The following SSH2 variants were observed in gnomAD, a reference collection of about 807,000 sequenced individuals.
The protein encoded by SSH2 is slingshot protein phosphatase 2, also known as protein phosphatase Slingshot homolog 2.
In SSH2, 37 loss-of-function variants were observed where a neutral mutation model predicts 135.2. That is an observed-to-expected ratio of 0.27 (90% CI 0.21 to 0.36). SSH2 has a LOEUF of 0.36. Ranked by LOEUF, SSH2 falls within the 10% of genes least tolerant of loss-of-function variation. The pLI is 1.00. For synonymous variants in SSH2, 628 were observed against 646.2 expected (o/e 0.97, Z 0.43); for missense variants, 1,408 against 1,765.3 (o/e 0.80, Z 3.63).
At chr17:29,658,214 G>A (rs1171545421) in intron 11 of SSH2, among the ~76,000 whole-genome samples, 1 of 151,668 alleles carries the variant, frequency 6.6e-6, no homozygotes, top group Non-Finnish European at 1.5e-5. Flanking sequence ...ATGTTGGTCA[G>A]GCTGGTCTCG....
intron 2 of SSH2, among the ~76,000 whole-genome samples, chr17:29,829,644 T>C (rs886764002): frequency 1.3e-5 from 2 of 152,162 alleles, no homozygotes; most frequent in African/African-American, 4.8e-5. Context: ...TTTATTCTTC[T>C]TTTAACCAAT....
In SSH2 at chr17:29,859,540, G is replaced by A. The variant is rs141410006; in HGVS notation, c.64-10611C>T. The stretch of plus-strand genomic sequence containing the variant: ...TTAGCTCCCACTTATAAGAACATGC[G>A]GTATTTGGTTTTCTGTTCCCATGTT... On this transcript the variant is annotated intron_variant, in intron 1 of 15. Transcript: ENST00000540801. Among the ~76,000 whole-genome samples, 691 of 152,144 alleles carry A rather than the reference G, an allele frequency of 4.5e-3. 8 individuals carry two copies. Among genetic ancestry groups the A allele is most frequent in the African/African-American group, 0.016 (653 of 41,506 alleles).
At chr17:29,913,342 A>ATT (rs2066803865) in intron 1 of SSH2, among the ~76,000 whole-genome samples, 19 of 53,588 alleles carry the variant, frequency 3.5e-4, no homozygotes, top group Non-Finnish European at 5.8e-4. Flanking sequence ...AAAAAAAAAA[A>ATT]AAAAAATATA....
intron 2 of SSH2, among the ~76,000 whole-genome samples, chr17:29,812,864 G>C (rs1452903316): frequency 6.6e-6 from 1 of 151,692 alleles, no homozygotes; most frequent in Non-Finnish European, 1.5e-5. Flanking sequence ...ACTCCAGCCT[G>C]GGTGACAGAG....
chr17:29,883,149 A>C (rs1434065754), intron 1 of SSH2: 1 of 152,078 alleles, frequency 6.6e-6, no homozygotes, highest in East Asian at 1.9e-4. Flanking sequence ...GAAAAAAAAA[A>C]CTCTTATGCT....
intron 3 of SSH2, among the ~76,000 whole-genome samples, chr17:29,761,617 G>A (rs1211339790): frequency 2.6e-5 from 4 of 152,118 alleles, no homozygotes; most frequent in Non-Finnish European, 4.4e-5. Flanking sequence ...CCTCGGTAAG[G>A]GAGTGAAGCT....
chr17:29,783,629 T>C (rs989218309), intron 3 of SSH2, among the ~76,000 whole-genome samples: 1 of 152,104 alleles, frequency 6.6e-6, no homozygotes, highest in Non-Finnish European at 1.5e-5. Context: ...GTAATCTCTT[T>C]TGCAACACCC....
chr17:29,677,221 T>C (rs1397052748), intron 7 of SSH2, among the ~76,000 whole-genome samples: 5 of 131,404 alleles, frequency 3.8e-5, no homozygotes, highest in African/African-American at 5.9e-5. Context: ...TTTTATAAAC[T>C]GGAGCAAACA....
chr17:29,806,846 C>A (rs1037228639), intron 2 of SSH2, among the ~76,000 whole-genome samples: 1 of 152,168 alleles, frequency 6.6e-6, no homozygotes, highest in African/African-American at 2.4e-5. Flanking sequence ...TACCTGTATG[C>A]CTCTTTTGCC....
intron 2 of SSH2, among the ~76,000 whole-genome samples, chr17:29,840,110 C>T (rs1309057709): frequency 2.0e-5 from 3 of 152,130 alleles, no homozygotes; most frequent in Non-Finnish European, 2.9e-5. Flanking sequence ...ACCTACAACT[C>T]CTCCTGTTTT....
chr17:29,916,605 C>T (rs528192340), intron 1 of SSH2, among the ~76,000 whole-genome samples: 4 of 151,924 alleles, frequency 2.6e-5, no homozygotes, highest in South Asian at 4.2e-4. Flanking sequence ...GGATAACAGG[C>T]GTGCACCACC....
chr17:29,873,593 A>G (rs2065976448), intron 1 of SSH2, among the ~76,000 whole-genome samples: 1 of 152,140 alleles, frequency 6.6e-6, no homozygotes, highest in Non-Finnish European at 1.5e-5. Flanking sequence ...CACATGGAAC[A>G]AACATATGGA....
chr17:29,884,150 C>T (rs2066190036), intron 1 of SSH2, among the ~76,000 whole-genome samples: 1 of 152,154 alleles, frequency 6.6e-6, no homozygotes, highest in African/African-American at 2.4e-5. Context: ...TTCTCTTCAA[C>T]TTACCTCAAT....
At chr17:29,895,703 T>C (rs1390506002) in intron 1 of SSH2, among the ~76,000 whole-genome samples, 1 of 127,504 alleles carries the variant, frequency 7.8e-6, no homozygotes, top group Non-Finnish European at 1.6e-5. Context: ...ATTTTATATA[T>C]GAAATATATA....
At chr17:29,670,803 TA>T (rs530916914) in intron 9 of SSH2, among the ~76,000 whole-genome samples, 1 of 151,640 alleles carries the variant, frequency 6.6e-6, no homozygotes, top group Non-Finnish European at 1.5e-5. Context: ...ATTACTCTGT[TA>T]AAAAAAACCC....
chr17:29,832,322 G>T (rs1214399440), intron 2 of SSH2, among the ~76,000 whole-genome samples: 1 of 152,132 alleles, frequency 6.6e-6, no homozygotes, highest in Non-Finnish European at 1.5e-5. Context: ...GGTAGAGATG[G>T]AGTCTCCCTA....
intron 8 of SSH2, 109 bp downstream of exon 8, chr17:29,676,711 A>G: frequency 4.5e-6 from 4 of 893,990 alleles, no homozygotes; most frequent in Non-Finnish European, 7.1e-6. Context: ...TTATACAAAC[A>G]GATCATTTAG....
rs1411738866 is a variant in SSH2, at chr17:29,925,458, A to G, written c.63+4480T>C. Reference sequence around the variant, plus strand: ...TAGCCGGTCACAGTGGCTCATGACTATAATCCCAATTCTTTAGGAGGCTGA... The same window carrying G: ...TAGCCGGTCACAGTGGCTCATGACTGTAATCCCAATTCTTTAGGAGGCTGA... On this transcript the variant is annotated intron_variant, in intron 1 of 15. Coordinates refer to ENST00000540801, the MANE Select transcript of SSH2 (RefSeq NM_001282129.2). 7.0e-5 allele frequency: 28 copies of G among 398,386 alleles called. No homozygotes were observed. In the East Asian group the frequency reaches 1.0e-3, roughly 14 times the overall value. The allele number at this position is 398,386 out of a possible 1,614,324, so 24.7% of individuals were successfully genotyped here.
chr17:29,691,076 C>A (rs894578238), intron 5 of SSH2, among the ~76,000 whole-genome samples: 1 of 151,698 alleles, frequency 6.6e-6, no homozygotes, highest in African/African-American at 2.4e-5. Flanking sequence ...TTTATTTATA[C>A]CTTTTTGCAT....
Sources: gnomAD v4.1 joint callset for allele counts (sites outside exome capture counted in the v4.1 genomes callset) on GRCh38, gnomAD v4.1.1 for gene constraint, MANE v1.5 for transcripts, NCBI Gene and HGNC (gene_info 2026-07-23, HGNC 2026-07-21) for gene names.